The following AKAP5 variants were observed in gnomAD, a reference collection of about 807,000 sequenced individuals.
AKAP5 encodes the protein A-kinase anchor protein 5.
AKAP5 carries 5 observed loss-of-function variants against 13.8 expected under a neutral mutation model. The ratio of observed to expected loss-of-function variants is 0.36; its 90% CI spans 0.19 to 0.76. AKAP5 has a LOEUF of 0.76. Among genes scored for constraint, AKAP5 ranks in the 30% least tolerant of loss-of-function variants. The probability of loss-of-function intolerance (pLI) is 0.51; values close to 1 mark genes in which losing one functional copy is unlikely to be tolerated. For missense variants in AKAP5, 406 were observed against 484.4 expected, an observed-to-expected ratio of 0.84 and a Z score of 1.52; for synonymous variants, 148 against 167.2, an observed-to-expected ratio of 0.89 and a Z score of 0.89.
In AKAP5 at chr14:64,469,725, T is replaced by A; in HGVS notation, c.*47T>A. 177 of 1,182,966 alleles carry A rather than the reference T, an allele frequency of 1.5e-4. No individual in the cohort carries two copies. The highest frequency in any genetic ancestry group is 2.0e-4 in the Non-Finnish European group (165 of 840,556). The allele number at this position is 1,182,966 out of a possible 1,614,324, so 73.3% of individuals were successfully genotyped here. On this transcript the variant is annotated 3_prime_UTR_variant, in exon 2 of 2. Transcript: ENST00000394718. ...AGAAAAAACAAGCTTAATGAAGAAT[T>A]CTTTTATACATTTGTGGCATTTCTT...
At chr14:64,467,670 A>G (rs963304463) in intron 1 of AKAP5, 15 of 152,004 alleles carry the variant, frequency 9.9e-5, no homozygotes, top group African/African-American at 3.6e-4. Context: ...TGACAAGACA[A>G]CTGCTCCCCT....
At position 64,469,031 on chromosome 14, in the gene AKAP5, G is replaced by A. The variant is rs2078640081; in HGVS notation, c.637G>A (p.Glu213Lys). The A allele has an allele frequency of 1.2e-6, 2 of 1,614,174 alleles. No homozygotes were observed. The highest frequency in any genetic ancestry group is 2.7e-5 in the African/African-American group (2 of 75,048). ...TTCTGGAGAGAAAGTGATTTCAGTAGAACTTGGATTAGATAATGGGCATTC... is the reference window on the plus strand; with the variant it reads ...TTCTGGAGAGAAAGTGATTTCAGTAAAACTTGGATTAGATAATGGGCATTC... ...TTSGEKVISV[E>K]LGLDNGHSAI... Residue 213 changes from glutamate (E) to lysine (K), a missense_variant, in exon 2 of 2, where the codon GAA becomes AAA. By Grantham distance (56) the Glu-to-Lys change is moderately conservative. Coordinates refer to ENST00000394718, the MANE Select transcript of AKAP5 (RefSeq NM_004857.3).
Position 64,469,120 on chromosome 14 carries a change from TCAACCC to T in AKAP5, c.729_734del (p.Pro244_Gln245del). The T allele has an allele frequency of 1.2e-6, 2 of 1,614,054 alleles. No individual in the cohort carries two copies. Among genetic ancestry groups the T allele is most frequent in the Non-Finnish European group, 1.7e-6 (2 of 1,180,026 alleles). On this transcript the variant is annotated inframe_deletion, in exon 2 of 2. Coordinates refer to ENST00000394718, the MANE Select transcript of AKAP5 (RefSeq NM_004857.3). Reference sequence around the variant, plus strand: ...AAACGATCAAGGAAAAACAAGATGTTCAACCCCAGCAAGCAAGCCCACTTGAAACTT... The same window carrying T: ...AAACGATCAAGGAAAAACAAGATGTTCAGCAAGCAAGCCCACTTGAAACTT...
In AKAP5 at chr14:64,469,231, A is replaced by C. The variant is rs1210108504; in HGVS notation, c.837A>C (p.Glu279Asp). The change falls in exon 2 of 2, where the codon GAA becomes GAC. Residue 279 changes from glutamate (E) to aspartate (D), a missense_variant. By Grantham distance (45) the Glu-to-Asp change is conservative. Coordinates refer to ENST00000394718, the MANE Select transcript of AKAP5 (RefSeq NM_004857.3). The stretch of plus-strand genomic sequence containing the variant: ...TTCCAGATCAACAAATTGTGGAAGA[A>C]GCCAGTAACAGTACCCTAGAAAGTG... ...PAIPDQQIVE[E>D]ASNSTLESAP... The C allele has an allele frequency of 2.5e-6, 4 of 1,613,956 alleles. No homozygotes were observed. In the African/African-American group the frequency reaches 5.3e-5, roughly 22 times the overall value.
chr14:64,469,385 G>A lies in AKAP5; in HGVS notation c.991G>A (p.Glu331Lys), dbSNP rs1448760876. ...CACTGAAGAGAAATCCAAATCAGAA[G>A]AAAGCAAAAGAATGGAGCCAATTGC... ...GITEEKSKSE[E>K]SKRMEPIAII... The change falls in exon 2 of 2, where the codon GAA (glutamate) becomes AAA (lysine). Residue 331 changes from glutamate (E) to lysine (K), a missense_variant. Physicochemically the swap from Glu to Lys is moderately conservative, Grantham distance 56 (BLOSUM62 1). Transcript: ENST00000394718. The A allele has an allele frequency of 1.2e-6, 2 of 1,613,822 alleles. No homozygotes were observed. The highest frequency in any genetic ancestry group is 2.2e-5 in the East Asian group (1 of 44,886).
Position 64,468,999 on chromosome 14 carries a change from G to T in AKAP5, c.605G>T (p.Ser202Ile). The stretch of plus-strand genomic sequence containing the variant: ...GTCTGTGAATCAAATGTGAGCAATA[G>T]CACAACTTCTGGAGAGAAAGTGATT... ...DEVCESNVSN[S>I]TTSGEKVISV... Residue 202 changes from serine (S) to isoleucine (I), a missense_variant, in exon 2 of 2, where the codon AGC (serine) becomes ATC (isoleucine). By Grantham distance (142) the Ser-to-Ile change is moderately radical. Transcript: ENST00000394718. 1 of 1,614,194 alleles carries T rather than the reference G, an allele frequency of 6.2e-7. No homozygotes were observed. The highest frequency in any genetic ancestry group is 8.5e-7 in the Non-Finnish European group (1 of 1,180,014).
At position 64,468,191 on chromosome 14, in the gene AKAP5, G is replaced by C. The variant is rs1259358878; in HGVS notation, c.-204G>C. ...GAAGGGCTTTCATCAAGAAATTAAA[G>C]AGAGAAATTACAAGCCATAGAGAAA... On this transcript the variant is annotated 5_prime_UTR_variant, in exon 2 of 2. Transcript: ENST00000394718. The C allele has an allele frequency of 2.7e-6, 1 of 375,220 alleles. No individual in the cohort carries two copies. Among genetic ancestry groups the C allele is most frequent in the Non-Finnish European group, 4.7e-6 (1 of 210,794 alleles). The allele number at this position is 375,220 out of a possible 1,614,324, so 23.2% of individuals were successfully genotyped here.
At position 64,468,819 on chromosome 14, in the gene AKAP5, C is replaced by G; in HGVS notation, c.425C>G (p.Ser142Cys). 1 of 1,614,124 alleles carries G rather than the reference C, an allele frequency of 6.2e-7. No individual in the cohort carries two copies. The highest frequency in any genetic ancestry group is 2.2e-5 in the East Asian group (1 of 44,884). The change falls in exon 2 of 2, where the codon TCC (serine) becomes TGC (cysteine). Residue 142 changes from serine (S) to cysteine (C), a missense_variant. Transcript: ENST00000394718. ...AGAGGGCCAAAAAGGAGTAATCATT[C>G]CAAAATTATAGAAGACTCAGACTGC... ...FPRGPKRSNHSKIIEDSDCSI... is the reference protein window; with the variant it reads ...FPRGPKRSNHCKIIEDSDCSI...
At position 64,469,921 on chromosome 14, in the gene AKAP5, G is replaced by T; in HGVS notation, c.*243G>T. 1 of 363,850 alleles carries T rather than the reference G, an allele frequency of 2.7e-6. No homozygotes were observed. The allele number at this position is 363,850 out of a possible 1,614,324, so 22.5% of individuals were successfully genotyped here. ...CAGTGTAAAATGACATAACATACAG[G>T]GAGTTGCTAAAATGGCATATGGAGA... On this transcript the variant is annotated 3_prime_UTR_variant, in exon 2 of 2. Transcript: ENST00000394718.
chr14:64,467,866 CA>C (rs1183477654), intron 1 of AKAP5: 1 of 152,158 alleles, frequency 6.6e-6, no homozygotes, highest in African/African-American at 2.4e-5. Context: ...GCAATTCACA[CA>C]GACAACACAA....
In AKAP5 at chr14:64,472,507, A is replaced by G. The variant is rs2078683611; in HGVS notation, c.*2829A>G. ...TTTACTTTTTTCACTGTGGTTTGAT[A>G]TATATTTTTGGTTAGAATGTACTGA... On this transcript the variant is annotated 3_prime_UTR_variant, in exon 2 of 2. Transcript: ENST00000394718. 6.0e-6 allele frequency: 1 copy of G among 166,890 alleles called. No individual in the cohort carries two copies. The highest frequency in any genetic ancestry group is 2.4e-5 in the African/African-American group (1 of 41,460). The allele number at this position is 166,890 out of a possible 1,614,324, so 10.3% of individuals were successfully genotyped here.
chr14:64,469,349 G>A lies in AKAP5; in HGVS notation c.955G>A (p.Glu319Lys). The A allele has an allele frequency of 6.2e-7, 1 of 1,613,920 alleles. No homozygotes were observed. Among genetic ancestry groups the A allele is most frequent in the Middle Eastern group, 1.7e-4 (1 of 6,060 alleles). ...ATTGAGCCAAGAATCAGATTTTAAA[G>A]AAAATGGGATCACTGAAGAGAAATC... The part of the protein sequence containing the change: ...TELSQESDFK[E>K]NGITEEKSKS... The change falls in exon 2 of 2, where the codon GAA becomes AAA. Residue 319 changes from glutamate (E) to lysine (K), a missense_variant. Coordinates refer to ENST00000394718, the MANE Select transcript of AKAP5 (RefSeq NM_004857.3).
Position 64,469,619 on chromosome 14 carries a change from G to T in AKAP5, c.1225G>T (p.Glu409Ter). ...LVKNAIQLSI[E>*]QLVNEMASDD... ...CAAGAATGCTATTCAGTTGTCAATA[G>T]AACAGCTGGTTAATGAAATGGCCTC... Residue 409 changes from glutamate to a stop codon, truncating the protein, a stop_gained, in exon 2 of 2, where the codon GAA becomes TAA. Transcript: ENST00000394718. LOFTEE classifies it high-confidence loss of function. 1 of 1,608,734 alleles carries T rather than the reference G, an allele frequency of 6.2e-7. No homozygotes were observed. Among genetic ancestry groups the T allele is most frequent in the Non-Finnish European group, 8.5e-7 (1 of 1,178,548 alleles).
intron 1 of AKAP5, among the ~76,000 whole-genome samples, chr14:64,466,485 G>A (rs779776810): frequency 1.6e-4 from 24 of 152,086 alleles, no homozygotes; most frequent in Non-Finnish European, 3.1e-4. Context: ...AAATGCTCAG[G>A]TGCTGAAAAC....
In AKAP5 at chr14:64,472,139, G is replaced by A. The variant is rs1468185797; in HGVS notation, c.*2461G>A. The A allele has an allele frequency of 4.8e-5, 8 of 166,954 alleles. No individual in the cohort carries two copies. Among genetic ancestry groups the A allele is most frequent in the African/African-American group, 1.7e-4 (7 of 41,418 alleles). The allele number at this position is 166,954 out of a possible 1,614,324, so 10.3% of individuals were successfully genotyped here. A position where few individuals can be genotyped will look rare whatever the true frequency, so the allele number is the denominator to read the frequency against. On this transcript the variant is annotated 3_prime_UTR_variant, in exon 2 of 2. Transcript: ENST00000394718. ...TTTAAACATTAAAAACAAAAAAGAC[G>A]AGTCATCTTCTCTGAAAACACTCTT...
chr14:64,468,425 G>C lies in AKAP5; in HGVS notation c.31G>C (p.Glu11Gln). The C allele has an allele frequency of 6.2e-7, 1 of 1,604,022 alleles. No individual in the cohort carries two copies. Among genetic ancestry groups the C allele is most frequent in the Non-Finnish European group, 8.5e-7 (1 of 1,177,140 alleles). Residue 11 changes from glutamate (E) to glutamine (Q), a missense_variant, in exon 2 of 2, where the codon GAA (glutamate) becomes CAA (glutamine). By Grantham distance (29) the Glu-to-Gln change is conservative. Transcript: ENST00000394718. Reference protein sequence around the residue: METTISEIHVENKDEKRSAEG... With the variant: METTISEIHVQNKDEKRSAEG... ...AACCACAATTTCAGAAATTCATGTA[G>C]AAAACAAGGATGAGAAGAGATCAGC...
Position 64,470,944 on chromosome 14 carries a change from A to G in AKAP5, c.*1266A>G, listed in dbSNP as rs558591499. 53 of 167,146 alleles carry G rather than the reference A, an allele frequency of 3.2e-4. No individual in the cohort carries two copies. Among genetic ancestry groups the G allele is most frequent in the African/African-American group, 1.2e-3 (49 of 41,570 alleles). 10.4% of individuals were successfully genotyped at this position (167,146 alleles called of 1,614,324 possible). Reference sequence around the variant, plus strand: ...TAGATTCAAAGCCAGCCTGGTAGTAATGGTCCTGGAAAATCCTAATAATCT... The same window carrying G: ...TAGATTCAAAGCCAGCCTGGTAGTAGTGGTCCTGGAAAATCCTAATAATCT... On this transcript the variant is annotated 3_prime_UTR_variant, in exon 2 of 2. Transcript: ENST00000394718.
rs531113472 is a variant in AKAP5, at chr14:64,472,098, T to G, written c.*2420T>G. 3.0e-5 allele frequency: 5 copies of G among 167,020 alleles called. No homozygotes were observed. The highest frequency in any genetic ancestry group is 1.3e-4 in the Admixed American group (2 of 15,290). 10.3% of individuals were successfully genotyped at this position (167,020 alleles called of 1,614,324 possible). ...ACACATGACCCAAGAAGTCAATTTC[T>G]TTTAATTGTACAACTTTTAAACATT... On this transcript the variant is annotated 3_prime_UTR_variant, in exon 2 of 2. Transcript: ENST00000394718.
rs2078690949 is a variant in AKAP5 at position 64,473,041 on chromosome 14, T to A, written c.*3363T>A. The A allele has an allele frequency of 1.2e-5, 2 of 167,082 alleles. No homozygotes were observed. The allele number at this position is 167,082 out of a possible 1,614,324, so 10.3% of individuals were successfully genotyped here. ...GGGGAGGGGGATTATTAGCTACTTG[T>A]TAACTTTTTCAGCATATTATCATTC... On this transcript the variant is annotated 3_prime_UTR_variant, in exon 2 of 2. Transcript: ENST00000394718.
Sources: gnomAD v4.1 joint callset for allele counts (sites outside exome capture counted in the v4.1 genomes callset) on GRCh38, gnomAD v4.1.1 for gene constraint, MANE v1.5 for transcripts, NCBI Gene and HGNC (gene_info 2026-07-23, HGNC 2026-07-21) for gene names.